Variants in CSMD1 observed in about 807,000 individuals in gnomAD.
The protein encoded by CSMD1 is CUB and Sushi multiple domains 1.
CSMD1 carries 213 observed loss-of-function variants against 417.5 expected under a neutral mutation model. That is an observed-to-expected ratio of 0.51 (90% CI 0.46 to 0.57). The LOEUF is 0.57. Among genes scored for constraint, CSMD1 ranks in the 20% least tolerant of loss-of-function variants. The probability of loss-of-function intolerance (pLI) is 0.00; values close to 1 mark genes in which losing one functional copy is unlikely to be tolerated. For missense variants in CSMD1, 6,923 were observed against 4,529.7 expected, an observed-to-expected ratio of 1.53 and a Z score of -15.17; for synonymous variants, 2,862 against 1,736.8, an observed-to-expected ratio of 1.65 and a Z score of -16.11.
At chr8:3,770,787 C>T (rs1656586954) in intron 5 of CSMD1, among the ~76,000 whole-genome samples, 1 of 152,046 alleles carries the variant, frequency 6.6e-6, no homozygotes, top group Admixed American at 6.6e-5. Flanking sequence ...TGCAGTTTTT[C>T]TTTATACTCT....
At position 3,646,948 on chromosome 8, in the gene CSMD1, T is replaced by C. The variant is rs138724066; in HGVS notation, c.1010-30151A>G. ...AAAAAATTTAAAACCTCAACAATGA[T>C]GCATCATCCTCTCTATAACTATTCC... On this transcript the variant is annotated intron_variant, in intron 7 of 69. Coordinates refer to ENST00000635120, the MANE Select transcript of CSMD1 (RefSeq NM_033225.6). 9.8e-4 allele frequency among the ~76,000 whole-genome samples: 149 copies of C among 152,314 alleles called. 1 individual carries two copies. The highest frequency in any genetic ancestry group is 9.4e-3 in the East Asian group (49 of 5,188).
intron 46 of CSMD1, among the ~76,000 whole-genome samples, chr8:3,100,707 C>G (rs551270953): frequency 1.3e-4 from 20 of 152,308 alleles, no homozygotes; most frequent in African/African-American, 4.6e-4. Flanking sequence ...AAATGTGAGG[C>G]TTAAAACCCA....
At chr8:3,561,641 G>C (rs1471997913) in intron 10 of CSMD1, among the ~76,000 whole-genome samples, 2 of 152,140 alleles carry the variant, frequency 1.3e-5, no homozygotes, top group African/African-American at 2.4e-5. Flanking sequence ...AGAGGCAGGA[G>C]AGTAAAGCTT....
chr8:4,924,548 C>G (rs1229943905), intron 1 of CSMD1, among the ~76,000 whole-genome samples: 6 of 151,854 alleles, frequency 4.0e-5, no homozygotes, highest in African/African-American at 1.5e-4. Flanking sequence ...CATGGCAAAA[C>G]CCGTCTCTAC....
intron 11 of CSMD1, among the ~76,000 whole-genome samples, chr8:3,476,586 T>C (rs540871430): frequency 4.6e-5 from 7 of 152,252 alleles, no homozygotes; most frequent in African/African-American, 1.4e-4. Context: ...CATACATCCA[T>C]TGGTGTGACA....
chr8:3,274,835 A>G (rs925356227), intron 26 of CSMD1, among the ~76,000 whole-genome samples: 1 of 152,058 alleles, frequency 6.6e-6, no homozygotes, highest in African/African-American at 2.4e-5. Context: ...TACCCGTGAG[A>G]TGTGTTTCCT....
At chr8:4,889,357 C>A (rs528558176) in intron 1 of CSMD1, among the ~76,000 whole-genome samples, 14 of 152,082 alleles carry the variant, frequency 9.2e-5, no homozygotes, top group Non-Finnish European at 1.6e-4. Context: ...AATGTGTCAA[C>A]CTCTTGAAAG....
chr8:4,579,373 T>C (rs537987979), intron 2 of CSMD1, among the ~76,000 whole-genome samples: 342 of 152,078 alleles, frequency 2.2e-3, no homozygotes, highest in South Asian at 8.7e-3. Context: ...TGTTTGTGTA[T>C]GTTTGACAGA....
intron 3 of CSMD1, among the ~76,000 whole-genome samples, chr8:4,387,009 T>C (rs7009362): frequency 0.56 from 84,660 of 152,018 alleles, 24,231 homozygotes; most frequent in Non-Finnish European, 0.63. Flanking sequence ...CGGCTTCATT[T>C]GAAAGGGACT....
At chr8:3,609,738 T>A (rs568312728) in intron 8 of CSMD1, among the ~76,000 whole-genome samples, 1,590 of 142,526 alleles carry the variant, frequency 0.011, 29 homozygotes, top group African/African-American at 0.034. Flanking sequence ...TATAAGAATT[T>A]AAAAAAAAAA....
chr8:4,323,607 C>T (rs944352053), intron 3 of CSMD1, among the ~76,000 whole-genome samples: 5 of 152,060 alleles, frequency 3.3e-5, no homozygotes, highest in South Asian at 4.1e-4. Flanking sequence ...CCAAAGTCAA[C>T]AGTGCGACAG....
intron 5 of CSMD1, among the ~76,000 whole-genome samples, chr8:3,896,384 TAAC>T (rs1360640008): frequency 3.9e-5 from 6 of 152,210 alleles, no homozygotes; most frequent in Non-Finnish European, 8.8e-5. Flanking sequence ...AAACAGATGT[TAAC>T]AACAGTGATT....
intron 8 of CSMD1, among the ~76,000 whole-genome samples, chr8:3,599,278 T>C (rs1294554032): frequency 6.6e-6 from 1 of 152,102 alleles, no homozygotes; most frequent in Non-Finnish European, 1.5e-5. Context: ...CCTCCTCATG[T>C]GGCTACGTGT....
chr8:4,004,289 A>T (rs1010702217), intron 4 of CSMD1, among the ~76,000 whole-genome samples: 6 of 152,110 alleles, frequency 3.9e-5, no homozygotes, highest in South Asian at 2.1e-4. Flanking sequence ...TAATGAATGA[A>T]ACTTGGGAAT....
In CSMD1 at chr8:3,616,661, T is replaced by C. The variant is rs369303843; in HGVS notation, c.1097+49A>G. 6.7e-6 allele frequency: 8 copies of C among 1,193,134 alleles called. No homozygotes were observed. The African/African-American group carries it at 1.2e-4, about 18-fold the overall frequency. 73.9% of individuals were successfully genotyped at this position (1,193,134 alleles called of 1,614,324 possible). ...AATTTAACTGCAAGCTGAAATAATATATGTCTTAAAAATAACATGCTTTTT... is the reference window on the plus strand; with the variant it reads ...AATTTAACTGCAAGCTGAAATAATACATGTCTTAAAAATAACATGCTTTTT... On this transcript the variant is annotated intron_variant, in intron 8 of 69. Transcript: ENST00000635120.
At chr8:2,954,875 G>A (rs1033329872) in intron 64 of CSMD1, among the ~76,000 whole-genome samples, 2 of 152,172 alleles carry the variant, frequency 1.3e-5, no homozygotes, top group African/African-American at 4.8e-5. Context: ...TCCCTAATAT[G>A]AGAACTATAA....
intron 1 of CSMD1, among the ~76,000 whole-genome samples, chr8:4,802,409 C>T (rs1389889919): frequency 6.6e-6 from 1 of 151,722 alleles, no homozygotes; most frequent in African/African-American, 2.4e-5. Flanking sequence ...CCGTGGTTAA[C>T]TTAACTTTGG....
intron 41 of CSMD1, among the ~76,000 whole-genome samples, chr8:3,121,166 G>A (rs1817182472): frequency 6.6e-6 from 1 of 152,078 alleles, no homozygotes; most frequent in South Asian, 2.1e-4. Context: ...AGATTGTATA[G>A]ATTTCTGTGT....
intron 3 of CSMD1, among the ~76,000 whole-genome samples, chr8:4,236,033 T>G (rs6150444): frequency 8.8e-4 from 10 of 11,382 alleles, no homozygotes; most frequent in South Asian, 0.021. Flanking sequence ...ATTGTTTTTT[T>G]TGTTTGTTTT....
Sources: allele counts gnomAD v4.1 joint callset (sites outside exome capture counted in the v4.1 genomes callset), GRCh38; gene constraint gnomAD v4.1.1; transcripts MANE v1.5; gene names NCBI Gene and HGNC (gene_info 2026-07-23, HGNC 2026-07-21).